The following SCFD2 variants were observed in gnomAD, a reference collection of about 807,000 sequenced individuals.
SCFD2 encodes sec1 family domain containing 2, also known as sec1 family domain-containing protein 2.
In SCFD2, 54 loss-of-function variants were observed where a neutral mutation model predicts 58.9. The observed-to-expected ratio is 0.92, with a 90% CI of 0.74 to 1.15. The LOEUF (loss-of-function observed/expected upper bound fraction) is 1.15. SCFD2 is among the 50% of genes most tolerant of loss of function. The pLI is 0.00. For missense variants in SCFD2, 805 were observed against 836.6 expected, an observed-to-expected ratio of 0.96 and a Z score of 0.47; for synonymous variants, 321 against 335.9, an observed-to-expected ratio of 0.96 and a Z score of 0.49.
At chr4:52,896,647 C>CT (rs1236609160) in intron 7 of SCFD2, among the ~76,000 whole-genome samples, 4 of 152,102 alleles carry the variant, frequency 2.6e-5, no homozygotes, top group Admixed American at 2.6e-4. Flanking sequence ...GATGTGGGCT[C>CT]TTTTTTGGTT....
intron 4 of SCFD2, among the ~76,000 whole-genome samples, chr4:53,234,494 AT>A (rs1729535397): frequency 6.6e-6 from 1 of 152,246 alleles, no homozygotes; most frequent in South Asian, 2.1e-4. Flanking sequence ...GGTTTTGTCA[AT>A]TAAATAAAAG....
At chr4:53,094,363 A>T (rs1724557893) in intron 5 of SCFD2, among the ~76,000 whole-genome samples, 1 of 152,030 alleles carries the variant, frequency 6.6e-6, no homozygotes, top group African/African-American at 2.4e-5. Context: ...TGTTTTTCTA[A>T]GTCTCTGTCT....
At chr4:52,961,668 A>G (rs1378450663) in intron 5 of SCFD2, among the ~76,000 whole-genome samples, 1 of 152,184 alleles carries the variant, frequency 6.6e-6, no homozygotes, top group African/African-American at 2.4e-5. Context: ...TAAGAACTTT[A>G]TATCTTATTA....
At chr4:53,325,981 T>C (rs1733181557) in intron 2 of SCFD2, among the ~76,000 whole-genome samples, 1 of 151,972 alleles carries the variant, frequency 6.6e-6, no homozygotes, top group Non-Finnish European at 1.5e-5. Context: ...AGCAGCTGAG[T>C]TTATGCAAAA....
chr4:53,038,027 A>G (rs1275883949), intron 5 of SCFD2, among the ~76,000 whole-genome samples: 1 of 152,184 alleles, frequency 6.6e-6, no homozygotes, highest in East Asian at 1.9e-4. Context: ...GCATTCAGTG[A>G]AAAGAAAATT....
chr4:52,907,293 G>A (rs1719369480), intron 7 of SCFD2, among the ~76,000 whole-genome samples, 164 bp downstream of exon 7: 1 of 152,190 alleles, frequency 6.6e-6, no homozygotes, highest in South Asian at 2.1e-4. Context: ...AACAGGTCAG[G>A]CTGCTTATAA....
chr4:52,992,578 T>C (rs564158527), intron 5 of SCFD2, among the ~76,000 whole-genome samples: 51 of 150,826 alleles, frequency 3.4e-4, no homozygotes, highest in Non-Finnish European at 6.3e-4. Flanking sequence ...CTCTAGGAAG[T>C]GAGGAGCGTC....
chr4:53,143,930 G>A (rs577703401), intron 5 of SCFD2, among the ~76,000 whole-genome samples: 18 of 151,854 alleles, frequency 1.2e-4, no homozygotes, highest in Middle Eastern at 3.4e-3. Context: ...CAATCCATAC[G>A]CATGGAAATT....
intron 5 of SCFD2, among the ~76,000 whole-genome samples, chr4:53,116,817 G>A (rs1432076011): frequency 6.6e-6 from 1 of 152,124 alleles, no homozygotes; most frequent in African/African-American, 2.4e-5. Flanking sequence ...CAGTAATTTG[G>A]GGTTTTGAGG....
At chr4:53,200,101 A>T (rs185414150) in intron 4 of SCFD2, among the ~76,000 whole-genome samples, 7 of 152,198 alleles carry the variant, frequency 4.6e-5, no homozygotes, top group Non-Finnish European at 8.8e-5. Flanking sequence ...TCTAATTACT[A>T]TCACAATCAC....
chr4:53,192,575 C>T (rs1315216365), intron 4 of SCFD2, among the ~76,000 whole-genome samples: 2 of 152,092 alleles, frequency 1.3e-5, no homozygotes, highest in Admixed American at 1.3e-4. Context: ...ATGAACTATT[C>T]AATAAATGGC....
At chr4:53,336,817 T>C (rs1433459376) in intron 2 of SCFD2, among the ~76,000 whole-genome samples, 2 of 152,160 alleles carry the variant, frequency 1.3e-5, no homozygotes, top group Non-Finnish European at 2.9e-5. Context: ...ACCCAGCCAG[T>C]TTTCTCATTT....
intron 4 of SCFD2, among the ~76,000 whole-genome samples, chr4:53,209,958 T>C (rs1728557338): frequency 6.6e-6 from 1 of 152,136 alleles, no homozygotes; most frequent in African/African-American, 2.4e-5. Flanking sequence ...GATGTATGTA[T>C]GAATCTTTCT....
At chr4:53,309,944 A>G (rs1732637408) in intron 3 of SCFD2, among the ~76,000 whole-genome samples, 1 of 152,168 alleles carries the variant, frequency 6.6e-6, no homozygotes. Flanking sequence ...TTTTATGGAC[A>G]AAGAAATTGA....
chr4:53,356,182 G>A (rs1268097234), intron 1 of SCFD2, among the ~76,000 whole-genome samples: 1 of 152,166 alleles, frequency 6.6e-6, no homozygotes, highest in Non-Finnish European at 1.5e-5. Flanking sequence ...CCTCCCATAG[G>A]GCTGCTTGAG....
intron 5 of SCFD2, among the ~76,000 whole-genome samples, chr4:52,972,966 C>A (rs1221005089): frequency 6.6e-6 from 1 of 152,096 alleles, no homozygotes; most frequent in Non-Finnish European, 1.5e-5. Flanking sequence ...TCTTTGGAAC[C>A]AATGAGAACA....
intron 4 of SCFD2, among the ~76,000 whole-genome samples, chr4:53,154,678 G>A (rs73143453): frequency 0.035 from 5,406 of 152,314 alleles, 329 homozygotes; most frequent in African/African-American, 0.12. Flanking sequence ...CTAGTCCCTG[G>A]AATCTGTGAC....
chr4:53,146,224 G>A (rs899228016), intron 4 of SCFD2, among the ~76,000 whole-genome samples: 8 of 152,084 alleles, frequency 5.3e-5, no homozygotes, highest in South Asian at 2.1e-4. Context: ...ACAACTTCTC[G>A]AGTGATATTT....
intron 5 of SCFD2, among the ~76,000 whole-genome samples, chr4:53,077,134 G>A (rs573132902): frequency 1.3e-5 from 2 of 152,204 alleles, no homozygotes; most frequent in African/African-American, 4.8e-5. Flanking sequence ...GCCTAAGTGT[G>A]ATCACATTTA....
Sources: gnomAD v4.1 joint callset for allele counts (sites outside exome capture counted in the v4.1 genomes callset) on GRCh38, gnomAD v4.1.1 for gene constraint, MANE v1.5 for transcripts, NCBI Gene and HGNC (gene_info 2026-07-23, HGNC 2026-07-21) for gene names.